The following MALRD1 variants were observed in gnomAD, a reference collection of about 807,000 sequenced individuals.
The protein encoded by MALRD1 is MAM and LDL receptor class A domain containing 1.
Under a neutral mutation model 242.1 loss-of-function variants are expected in MALRD1, and 247 were observed. The observed-to-expected ratio is 1.02, with a 90% CI of 0.92 to 1.13. The LOEUF (loss-of-function observed/expected upper bound fraction) is 1.13. MALRD1 is among the 50% of genes most tolerant of loss of function. The pLI is 0.00. For missense variants in MALRD1, 2,989 were observed against 2,533.1 expected (o/e 1.18, Z -3.86); for synonymous variants, 995 against 866.6 (o/e 1.15, Z -2.60).
intron 29 of MALRD1, among the ~76,000 whole-genome samples, chr10:19,490,386 C>T (rs117175155): frequency 0.024 from 3,668 of 151,612 alleles, 65 homozygotes; most frequent in Non-Finnish European, 0.04. Flanking sequence ...TAAACCCGGT[C>T]GATTAAATCT....
At chr10:19,065,086 G>A (rs559286653) in intron 1 of MALRD1, among the ~76,000 whole-genome samples, 16 of 151,640 alleles carry the variant, frequency 1.1e-4, no homozygotes, top group Non-Finnish European at 1.8e-4. Flanking sequence ...TCAGGAGTTC[G>A]AGACCAGCCT....
intron 29 of MALRD1, among the ~76,000 whole-genome samples, chr10:19,482,979 TAGCC>T (rs1837074952): frequency 6.6e-6 from 1 of 151,890 alleles, no homozygotes; most frequent in Non-Finnish European, 1.5e-5. Context: ...AGAGCCCAAA[TAGCC>T]AGAGTAATCC....
chr10:19,133,880 A>G lies in MALRD1; in HGVS notation c.1135A>G (p.Asn379Asp). 1 of 1,230,720 alleles carries G rather than the reference A, an allele frequency of 8.1e-7. No homozygotes were observed. The allele number at this position is 1,230,720 out of a possible 1,614,324, so 76.2% of individuals were successfully genotyped here. A position where few individuals can be genotyped will look rare whatever the true frequency, so the allele number is the denominator to read the frequency against. ...NKEEEIFWTY[N>D]ISTHSQWVKA... ...GGAAGAAGAAATATTTTGGACATAC[A>G]ACATATCAACTCACAGCCAATGGGT... The change falls in exon 9 of 40, where the codon AAC (asparagine) becomes GAC (aspartate). Residue 379 changes from asparagine (N) to aspartate (D), a missense_variant. By Grantham distance (23) the Asn-to-Asp change is conservative (BLOSUM62 1). Coordinates refer to ENST00000454679, the MANE Select transcript of MALRD1 (RefSeq NM_001142308.3).
intron 5 of MALRD1, among the ~76,000 whole-genome samples, chr10:19,117,360 T>G (rs1836907046): frequency 6.6e-6 from 1 of 152,078 alleles, no homozygotes; most frequent in African/African-American, 2.4e-5. Context: ...GTGAAAGAAA[T>G]GTAATACATT....
chr10:19,365,940 A>G (rs914295299), intron 26 of MALRD1, among the ~76,000 whole-genome samples: 3 of 151,972 alleles, frequency 2.0e-5, no homozygotes, highest in South Asian at 2.1e-4. Flanking sequence ...GATGTCTATT[A>G]CCATACATTA....
intron 21 of MALRD1, among the ~76,000 whole-genome samples, chr10:19,317,025 G>A (rs778881474): frequency 7.3e-5 from 11 of 150,858 alleles, no homozygotes; most frequent in Non-Finnish European, 1.2e-4. Context: ...TCATGTGCCC[G>A]TAAAGATACA....
chr10:19,578,386 C>G (rs558322519), intron 33 of MALRD1, among the ~76,000 whole-genome samples: 11 of 152,142 alleles, frequency 7.2e-5, no homozygotes, highest in African/African-American at 2.6e-4. Context: ...AAATAGAAAG[C>G]ATGGGATTAG....
intron 1 of MALRD1, chr10:19,051,884 T>C (rs1834511020): frequency 6.1e-6 from 1 of 162,692 alleles, no homozygotes; most frequent in African/African-American, 3.2e-5. Flanking sequence ...ATTGTGCCAC[T>C]GCACTCCAGC....
intron 14 of MALRD1, among the ~76,000 whole-genome samples, chr10:19,184,397 T>G (rs997348749): frequency 6.6e-6 from 1 of 152,170 alleles, no homozygotes; most frequent in Non-Finnish European, 1.5e-5. Flanking sequence ...GACGGGTTAT[T>G]TGATGTTGAG....
At chr10:19,107,472 G>C (rs1836504033) in intron 5 of MALRD1, among the ~76,000 whole-genome samples, 1 of 150,872 alleles carries the variant, frequency 6.6e-6, no homozygotes, top group African/African-American at 2.4e-5. Flanking sequence ...GTTTCTATTT[G>C]CATGAAATAT....
chr10:19,208,561 G>A (rs867163732), intron 17 of MALRD1, among the ~76,000 whole-genome samples: 23 of 152,272 alleles, frequency 1.5e-4, no homozygotes, highest in Middle Eastern at 6.8e-3. Flanking sequence ...TAGGATCTGG[G>A]ACGGGATGGA....
chr10:19,506,972 T>C (rs1833171003), intron 31 of MALRD1, among the ~76,000 whole-genome samples: 1 of 152,074 alleles, frequency 6.6e-6, no homozygotes, highest in Non-Finnish European at 1.5e-5. Flanking sequence ...TGCCAACATC[T>C]GCTTGGCTTC....
intron 38 of MALRD1, among the ~76,000 whole-genome samples, chr10:19,730,344 T>A (rs1835238235): frequency 1.3e-5 from 2 of 152,212 alleles, no homozygotes; most frequent in Admixed American, 1.3e-4. Context: ...ATGGCCTTTC[T>A]TTATCACTAG....
chr10:19,586,683 G>T (rs1007973106), intron 33 of MALRD1, among the ~76,000 whole-genome samples: 1 of 152,204 alleles, frequency 6.6e-6, no homozygotes, highest in Non-Finnish European at 1.5e-5. Flanking sequence ...CTTTTTGTTT[G>T]TCTGTGCCCT....
chr10:19,083,543 A>C (rs1210198593), intron 2 of MALRD1, among the ~76,000 whole-genome samples: 1 of 152,028 alleles, frequency 6.6e-6, no homozygotes, highest in African/African-American at 2.4e-5. Context: ...CAAACCCCTT[A>C]TGTAGAAAAA....
intron 30 of MALRD1, among the ~76,000 whole-genome samples, chr10:19,497,360 AGCAT>A: frequency 6.6e-6 from 1 of 151,756 alleles, no homozygotes. Context: ...CCCATAAATA[AGCAT>A]ACAAGAAGCA....
chr10:19,580,516 T>C (rs983951621), intron 33 of MALRD1, among the ~76,000 whole-genome samples: 1 of 152,144 alleles, frequency 6.6e-6, no homozygotes, highest in Non-Finnish European at 1.5e-5. Flanking sequence ...CCAAAACTCC[T>C]CTTTTATTAG....
At chr10:19,302,266 G>C (rs1036164659) in intron 21 of MALRD1, among the ~76,000 whole-genome samples, 1 of 151,742 alleles carries the variant, frequency 6.6e-6, no homozygotes, top group Non-Finnish European at 1.5e-5. Context: ...AATTGAATGA[G>C]TCACCATATG....
At chr10:19,471,469 A>C (rs940811001) in intron 29 of MALRD1, among the ~76,000 whole-genome samples, 2 of 151,824 alleles carry the variant, frequency 1.3e-5, no homozygotes, top group African/African-American at 4.8e-5. Flanking sequence ...TTTCTGTGGA[A>C]AACGACTTAG....
Sources: allele counts gnomAD v4.1 joint callset (sites outside exome capture counted in the v4.1 genomes callset), GRCh38; gene constraint gnomAD v4.1.1; transcripts MANE v1.5; gene names NCBI Gene and HGNC (gene_info 2026-07-23, HGNC 2026-07-21).